BFAR: variants seen among roughly 807,000 people sequenced by gnomAD.
BFAR encodes the protein RING finger protein 47.
Under a neutral mutation model 54.4 loss-of-function variants are expected in BFAR, and 52 were observed. The ratio of observed to expected loss-of-function variants is 0.96; its 90% CI spans 0.77 to 1.21. The LOEUF (loss-of-function observed/expected upper bound fraction) is 1.21. Among genes scored for constraint, BFAR ranks in the 50% most tolerant of loss-of-function variants. BFAR has a pLI of 0.00. For missense variants in BFAR, 571 were observed against 534.0 expected (o/e 1.07, Z -0.68); for synonymous variants, 215 against 204.3 (o/e 1.05, Z -0.45).
At chr16:14,654,964 C>A in intron 4 of BFAR, 102 bp from the exon 5 acceptor site, 1 of 1,243,006 alleles carries the variant, frequency 8.0e-7, no homozygotes, top group Admixed American at 2.7e-5. Context: ...CTCACCATAC[C>A]TCAAGCCTAC....
rs951626950 is a variant in BFAR, at chr16:14,668,964, A to G, written c.*1137A>G. ...TATCCTGATGTATAATACAGCAGGT[A>G]TAATTACACCAAGCGCTATAGTTAT... On this transcript the variant is annotated 3_prime_UTR_variant, in exon 8 of 8. Coordinates refer to ENST00000261658, the MANE Select transcript of BFAR (RefSeq NM_016561.3). 44 of 403,562 alleles carry G rather than the reference A, an allele frequency of 1.1e-4. No homozygotes were observed. The highest frequency in any genetic ancestry group is 1.1e-4 in the Admixed American group (4 of 36,356). The allele number at this position is 403,562 out of a possible 1,614,324, so 25.0% of individuals were successfully genotyped here. A position where few individuals can be genotyped will look rare whatever the true frequency, so the allele number is the denominator to read the frequency against.
chr16:14,643,645 C>T (rs1183800405), intron 1 of BFAR: 1 of 152,108 alleles, frequency 6.6e-6, no homozygotes, highest in Non-Finnish European at 1.5e-5. Context: ...TAGTGCACAC[C>T]TGTAGTCCCA....
chr16:14,648,342 A>T (rs547199586), intron 2 of BFAR, 46 bp from the exon 3 acceptor site: 1 of 1,496,078 alleles, frequency 6.7e-7, no homozygotes, highest in East Asian at 2.3e-5. Context: ...TAAACATGAT[A>T]TTTAGTCAAA....
intron 3 of BFAR, 130 bp from the exon 4 acceptor site, chr16:14,649,674 G>T: frequency 1.3e-6 from 1 of 765,690 alleles, no homozygotes; most frequent in South Asian, 2.5e-5. Context: ...TTGTTGCCCT[G>T]CTTCTGTGTA....
chr16:14,656,816 G>A (rs1275087320), intron 5 of BFAR, among the ~76,000 whole-genome samples: 1 of 151,430 alleles, frequency 6.6e-6, no homozygotes. Flanking sequence ...AAGGAACAAA[G>A]TCCTGTAATC....
intron 2 of BFAR, among the ~76,000 whole-genome samples, chr16:14,646,541 C>T (rs1959801694): frequency 1.3e-5 from 2 of 150,344 alleles, no homozygotes; most frequent in Admixed American, 6.7e-5. Flanking sequence ...CCTTGTTGCC[C>T]GGGCTGGAGT....
At chr16:14,650,298 C>G (rs1176270305) in intron 4 of BFAR, 2 of 206,674 alleles carry the variant, frequency 9.7e-6, no homozygotes, top group Non-Finnish European at 1.9e-5. Context: ...CCACTGCACT[C>G]CAGCCTAGGC....
At chr16:14,659,234 GT>G (rs1468503605) in intron 5 of BFAR, among the ~76,000 whole-genome samples, 1 of 142,770 alleles carries the variant, frequency 7.0e-6, no homozygotes, top group African/African-American at 2.6e-5. Flanking sequence ...GGTTTTTTTT[GT>G]TTTTTTTTGT....
chr16:14,643,861 CA>C (rs760053494), intron 1 of BFAR: 4,529 of 139,340 alleles, frequency 0.033, 52 homozygotes, highest in Non-Finnish European at 0.038. Context: ...CCACCCCCAC[CA>C]AAAAAAAAAA....
intron 6 of BFAR, among the ~76,000 whole-genome samples, chr16:14,662,426 G>A (rs568215493): frequency 3.3e-5 from 5 of 152,106 alleles, no homozygotes; most frequent in African/African-American, 1.2e-4. Flanking sequence ...CCTGCTAATC[G>A]GCTCCCTTGC....
intron 4 of BFAR, among the ~76,000 whole-genome samples, chr16:14,651,547 CCTCAA>C (rs1959967536): frequency 1.3e-5 from 2 of 151,780 alleles, no homozygotes; most frequent in Non-Finnish European, 2.9e-5. Flanking sequence ...AGTGGCACAA[CCTCAA>C]CTCAACTGCA....
chr16:14,655,767 CACTT>C (rs1431720522), intron 5 of BFAR, among the ~76,000 whole-genome samples: 1 of 152,148 alleles, frequency 6.6e-6, no homozygotes, highest in African/African-American at 2.4e-5. Context: ...AGGAAAGAGA[CACTT>C]ACATGTTTTG....
At chr16:14,663,671 A>G (rs567757441) in intron 6 of BFAR, among the ~76,000 whole-genome samples, 2 of 152,158 alleles carry the variant, frequency 1.3e-5, no homozygotes, top group East Asian at 3.9e-4. Flanking sequence ...TGTGTAATTG[A>G]AAAGCTTCTC....
chr16:14,665,777 CA>C (rs1960425034), intron 7 of BFAR, among the ~76,000 whole-genome samples: 1 of 152,144 alleles, frequency 6.6e-6, no homozygotes, highest in South Asian at 2.1e-4. Flanking sequence ...AGTGAGAAGT[CA>C]ATATGGCAGA....
rs140360739 is a variant in BFAR at position 14,643,085 on chromosome 16, G to A, written c.-73-1189G>A. ...CCCAGCACTTTGGGAGGCTGAAGAG[G>A]GTGGATCACCTGAGGTCAGGAGTTC... On this transcript the variant is annotated intron_variant, in intron 1 of 7. Coordinates refer to ENST00000261658, the MANE Select transcript of BFAR (RefSeq NM_016561.3). 1.0e-3 allele frequency among the ~76,000 whole-genome samples: 154 copies of A among 152,296 alleles called. 1 individual carries two copies. The highest frequency in any genetic ancestry group is 3.4e-3 in the African/African-American group (141 of 41,572).
At chr16:14,647,319 A>T (rs1959828818) in intron 2 of BFAR, among the ~76,000 whole-genome samples, 3 of 151,742 alleles carry the variant, frequency 2.0e-5, no homozygotes, top group Non-Finnish European at 4.4e-5. Context: ...TCCTGACCTT[A>T]AGTGATCTGC....
At chr16:14,661,822 T>C (rs1960296108) in intron 5 of BFAR, 70 bp from the exon 6 acceptor site, 1 of 1,538,848 alleles carries the variant, frequency 6.5e-7, no homozygotes, top group Non-Finnish European at 8.9e-7. Context: ...AAGCGAGAGA[T>C]GGGAAGGAGC....
intron 5 of BFAR, among the ~76,000 whole-genome samples, chr16:14,657,409 C>G (rs1209243931): frequency 6.6e-6 from 1 of 151,746 alleles, no homozygotes; most frequent in African/African-American, 2.4e-5. Flanking sequence ...CCACCGTGCC[C>G]GGCTAATTTT....
intron 5 of BFAR, among the ~76,000 whole-genome samples, chr16:14,657,763 A>T (rs1289411739): frequency 2.0e-5 from 3 of 148,580 alleles, no homozygotes; most frequent in African/African-American, 7.5e-5. Context: ...GCTAGTCTTG[A>T]ACTCCTGACC....
Sources: allele counts gnomAD v4.1 joint callset (sites outside exome capture counted in the v4.1 genomes callset), GRCh38; gene constraint gnomAD v4.1.1; transcripts MANE v1.5; gene names NCBI Gene and HGNC (gene_info 2026-07-23, HGNC 2026-07-21).